MMP26: variants seen among roughly 807,000 people sequenced by gnomAD.
The protein encoded by MMP26 is matrix metallopeptidase 26.
MMP26 carries 33 observed loss-of-function variants against 31.0 expected under a neutral mutation model. That is an observed-to-expected ratio of 1.06 (90% confidence interval 0.81 to 1.42). The LOEUF is 1.42. Ranked by LOEUF, MMP26 falls within the 40% of genes most tolerant of loss-of-function variation. The pLI is 0.00. For synonymous variants in MMP26, 122 were observed against 114.9 expected, an observed-to-expected ratio of 1.06 and a Z score of -0.40; for missense variants, 347 against 316.1, an observed-to-expected ratio of 1.10 and a Z score of -0.74.
At chr11:4,945,847 T>C in intron 2 of MMP26, 1 of 373,340 alleles carries the variant, frequency 2.7e-6, no homozygotes, top group Non-Finnish European at 4.9e-6. Context: ...TGAATGTAGA[T>C]AATGAGAAAT....
chr11:4,729,087 C>T (rs1414165801), intron 1 of MMP26, among the ~76,000 whole-genome samples: 1 of 151,244 alleles, frequency 6.6e-6, no homozygotes, highest in Non-Finnish European at 1.5e-5. Flanking sequence ...TTTGCCATGA[C>T]TAAAAAAATT....
At chr11:4,809,694 C>T (rs920933541) in intron 2 of MMP26, among the ~76,000 whole-genome samples, 4 of 152,158 alleles carry the variant, frequency 2.6e-5, no homozygotes, top group African/African-American at 9.7e-5. Context: ...GGCAGTATTC[C>T]TACCTTTCTC....
At chr11:4,873,625 C>T (rs955278408) in intron 2 of MMP26, among the ~76,000 whole-genome samples, 1 of 151,954 alleles carries the variant, frequency 6.6e-6, no homozygotes, top group African/African-American at 2.4e-5. Context: ...GATTTCATGA[C>T]AAATCTTTTG....
chr11:4,821,234 G>T (rs1849492594), intron 2 of MMP26: 1 of 662,912 alleles, frequency 1.5e-6, no homozygotes, highest in African/African-American at 1.8e-5. Flanking sequence ...CAATAAATGT[G>T]AAACACTGAC....
intron 2 of MMP26, chr11:4,914,047 A>G (rs1370442049): frequency 3.9e-5 from 6 of 152,184 alleles, no homozygotes; most frequent in Admixed American, 3.9e-4. Context: ...TGTTTACAAA[A>G]CTGAAATTTT....
chr11:4,758,032 G>GTATACCAAAGAGGAATGAAAGCA (rs1848525668), intron 1 of MMP26, among the ~76,000 whole-genome samples: 1 of 152,134 alleles, frequency 6.6e-6, no homozygotes, highest in African/African-American at 2.4e-5. Flanking sequence ...GAAAGCATAT[G>GTATACCAAAGAGGAATGAAAGCA]TACACACAAT....
intron 2 of MMP26, chr11:4,769,040 A>T: frequency 6.5e-7 from 1 of 1,539,000 alleles, no homozygotes; most frequent in Non-Finnish European, 8.7e-7. Context: ...TACACTGTCG[A>T]TGATGGGGTT....
Position 4,770,018 on chromosome 11 carries a change from T to G in MMP26, c.-145+2677T>G, listed in dbSNP as rs1848695592. 4.6e-6 allele frequency: 3 copies of G among 651,386 alleles called. No individual in the cohort carries two copies. The Admixed American group carries it at 8.2e-5, about 18-fold the overall frequency. 40.4% of individuals were successfully genotyped at this position (651,386 alleles called of 1,614,324 possible). On this transcript the variant is annotated intron_variant, in intron 2 of 7. Coordinates refer to ENST00000380390, the MANE Select transcript of MMP26 (RefSeq NM_021801.5). ...ATATTTAGATACATTTTCTTTTAGT[T>G]AGTAGAGTTATCCAAGGTCATAGAT...
chr11:4,782,505 CAA>C (rs2133433832), intron 2 of MMP26, among the ~76,000 whole-genome samples: 1 of 152,240 alleles, frequency 6.6e-6, no homozygotes, highest in South Asian at 2.1e-4. Context: ...AAAAGGGAAA[CAA>C]AGCATAAAAG....
At chr11:4,837,486 A>C (rs151145799) in intron 2 of MMP26, among the ~76,000 whole-genome samples, 1 of 152,306 alleles carries the variant, frequency 6.6e-6, no homozygotes, top group Admixed American at 6.5e-5. Flanking sequence ...TGTTGGGATT[A>C]TAGGTGTGAC....
chr11:4,914,505 T>C (rs1489684913), intron 2 of MMP26: 3 of 512,486 alleles, frequency 5.9e-6, no homozygotes, highest in Non-Finnish European at 1.0e-5. Context: ...GCTGTGGCTA[T>C]TTTTAGAAAA....
At chr11:4,762,645 T>C (rs1302699895) in intron 1 of MMP26, among the ~76,000 whole-genome samples, 2 of 152,156 alleles carry the variant, frequency 1.3e-5, no homozygotes, top group African/African-American at 4.8e-5. Flanking sequence ...GGAAGTGAAA[T>C]GTCTGGTTAA....
At chr11:4,763,944 G>T (rs191581061) in intron 1 of MMP26, among the ~76,000 whole-genome samples, 1 of 152,156 alleles carries the variant, frequency 6.6e-6, no homozygotes, top group Admixed American at 6.5e-5. Flanking sequence ...AAAGTTGTCA[G>T]AATAAGTAAT....
intron 1 of MMP26, among the ~76,000 whole-genome samples, chr11:4,714,091 T>C (rs946841462): frequency 2.6e-5 from 4 of 152,120 alleles, no homozygotes; most frequent in African/African-American, 9.7e-5. Flanking sequence ...TCAGGCTCCT[T>C]TCTGGAAAAC....
intron 2 of MMP26, among the ~76,000 whole-genome samples, chr11:4,858,993 T>C (rs1850101319): frequency 6.6e-6 from 1 of 152,168 alleles, no homozygotes; most frequent in African/African-American, 2.4e-5. Flanking sequence ...ATTTAATAAA[T>C]GGAGCTGGGA....
At chr11:4,984,017 C>G (rs1419553044) in intron 2 of MMP26, among the ~76,000 whole-genome samples, 1 of 152,164 alleles carries the variant, frequency 6.6e-6, no homozygotes, top group South Asian at 2.1e-4. Context: ...CTTAGTTAAG[C>G]TGGCTCTCAG....
Position 4,956,037 on chromosome 11 carries a change from A to G in MMP26, c.-144-32031A>G, listed in dbSNP as rs1589950175. The stretch of plus-strand genomic sequence containing the variant: ...TCTGATTTTATTTTTCCTGTAAAAT[A>G]TGAGTAAATCCTAGTGAATTAACTG... On this transcript the variant is annotated intron_variant, in intron 2 of 7. Transcript: ENST00000380390. Among the ~76,000 whole-genome samples, 3 of 152,224 alleles carry G rather than the reference A, an allele frequency of 2.0e-5. No homozygotes were observed. In the South Asian group the frequency reaches 6.2e-4, roughly 32 times the overall value.
Position 4,938,328 on chromosome 11 carries a change from C to A in MMP26, c.-144-49740C>A, listed in dbSNP as rs192576134. On this transcript the variant is annotated intron_variant, in intron 2 of 7. Transcript: ENST00000380390. ...GGAAGATGCTTTACTAGGTGCTTAC[C>A]TCAGTGCAGTTGGAAATTTCTTAAG... 8 of 152,034 alleles carry A rather than the reference C, an allele frequency of 5.3e-5. No homozygotes were observed. The East Asian group carries it at 1.5e-3, about 29-fold the overall frequency. 9.4% of individuals were successfully genotyped at this position (152,034 alleles called of 1,614,324 possible). A position where few individuals can be genotyped will look rare whatever the true frequency, so the allele number is the denominator to read the frequency against.
At chr11:4,958,718 G>T (rs1846478407) in intron 2 of MMP26, among the ~76,000 whole-genome samples, 1 of 152,036 alleles carries the variant, frequency 6.6e-6, no homozygotes, top group Non-Finnish European at 1.5e-5. Context: ...TTTCTGAGGT[G>T]CTATTCCTGT....
Sources: allele counts gnomAD v4.1 joint callset (sites outside exome capture counted in the v4.1 genomes callset), GRCh38; gene constraint gnomAD v4.1.1; transcripts MANE v1.5; gene names NCBI Gene and HGNC (gene_info 2026-07-23, HGNC 2026-07-21).